CAB39: variants seen among roughly 807,000 people sequenced by gnomAD.
The protein encoded by CAB39 is calcium binding protein 39.
A neutral mutation model predicts 40.0 loss-of-function variants in CAB39; 8 were observed. That is an observed-to-expected ratio of 0.20 (90% CI 0.12 to 0.36). The LOEUF is 0.36. CAB39 is among the 10% of genes least tolerant of loss of function. The probability of loss-of-function intolerance (pLI) is 1.00; values close to 1 mark genes in which losing one functional copy is unlikely to be tolerated. For synonymous variants in CAB39, 156 were observed against 141.6 expected (o/e 1.10, Z -0.72); for missense variants, 270 against 401.1 (o/e 0.67, Z 2.79).
chr2:230,764,606 C>CT (rs1276817995), intron 2 of CAB39, among the ~76,000 whole-genome samples: 4 of 152,152 alleles, frequency 2.6e-5, no homozygotes, highest in Non-Finnish European at 5.9e-5. Flanking sequence ...TTAGAAGAGT[C>CT]TTAAGTATTG....
intron 1 of CAB39, among the ~76,000 whole-genome samples, chr2:230,737,235 A>G (rs974985802): frequency 1.3e-5 from 2 of 152,154 alleles, no homozygotes; most frequent in African/African-American, 2.4e-5. Flanking sequence ...TGAAGAGAAG[A>G]TAGACCCTCA....
intron 5 of CAB39, among the ~76,000 whole-genome samples, chr2:230,808,035 T>C (rs1424404897): frequency 6.6e-6 from 1 of 151,974 alleles, no homozygotes; most frequent in Admixed American, 6.5e-5. Flanking sequence ...CAGTGCCTGC[T>C]CTGTGCCAGG....
chr2:230,803,173 G>C (rs1019510430), intron 5 of CAB39, among the ~76,000 whole-genome samples: 12 of 152,210 alleles, frequency 7.9e-5, no homozygotes, highest in African/African-American at 2.4e-4. Context: ...TATCTCAATA[G>C]ATGCAGAAAA....
chr2:230,718,335 A>G (rs1694388773), intron 1 of CAB39, among the ~76,000 whole-genome samples: 1 of 152,224 alleles, frequency 6.6e-6, no homozygotes, highest in Non-Finnish European at 1.5e-5. Flanking sequence ...TTAACATGCT[A>G]GTCACTGTTG....
chr2:230,790,917 C>A lies in CAB39; in HGVS notation c.160C>A (p.Leu54Met). ...SKNLVAMKEI[L>M]YGTNEKEPQT... The stretch of plus-strand genomic sequence containing the variant: ...AAATCTGGTTGCCATGAAAGAAATT[C>A]TGTATGGCACAAATGAAAAAGAGCC... The change falls in exon 3 of 9, where the codon CTG becomes ATG. Residue 54 changes from leucine to methionine, a missense_variant. Physicochemically the swap from Leu to Met is conservative, Grantham distance 15 (BLOSUM62 2). Transcript: ENST00000258418. The A allele has an allele frequency of 6.2e-7, 1 of 1,612,236 alleles. No homozygotes were observed. Among genetic ancestry groups the A allele is most frequent in the Non-Finnish European group, 8.5e-7 (1 of 1,179,230 alleles).
intron 1 of CAB39, among the ~76,000 whole-genome samples, chr2:230,720,385 T>C (rs1694427232): frequency 6.6e-6 from 1 of 152,208 alleles, no homozygotes; most frequent in Non-Finnish European, 1.5e-5. Context: ...TCACCACCCA[T>C]TAGCATTCAT....
At chr2:230,762,805 T>C (rs1276882112) in intron 2 of CAB39, among the ~76,000 whole-genome samples, 2 of 152,238 alleles carry the variant, frequency 1.3e-5, no homozygotes, top group Non-Finnish European at 2.9e-5. Flanking sequence ...ACAAGGTCTC[T>C]GCTCTTTCGT....
Position 230,756,681 on chromosome 2 carries a change from A to G in CAB39, c.-43-3278A>G, listed in dbSNP as rs575392428. ...TGTTTGTTTATTTATTTATTTATTTATTTATTTATTTATTTATTTATTTAT... is the reference window on the plus strand; with the variant it reads ...TGTTTGTTTATTTATTTATTTATTTGTTTATTTATTTATTTATTTATTTAT... On this transcript the variant is annotated intron_variant, in intron 1 of 8. Coordinates refer to ENST00000258418, the MANE Select transcript of CAB39 (RefSeq NM_016289.4). 3.2e-4 allele frequency among the ~76,000 whole-genome samples: 49 copies of G among 151,340 alleles called. 1 individual carries two copies. In the South Asian group the frequency reaches 4.0e-3, roughly 12 times the overall value.
At chr2:230,805,395 A>G (rs753783632) in intron 5 of CAB39, among the ~76,000 whole-genome samples, 9 of 152,066 alleles carry the variant, frequency 5.9e-5, no homozygotes, top group African/African-American at 7.2e-5. Flanking sequence ...AACTTAAAGT[A>G]TAATTAAAAA....
chr2:230,778,119 C>T (rs1302195968), intron 2 of CAB39, among the ~76,000 whole-genome samples: 1 of 152,192 alleles, frequency 6.6e-6, no homozygotes, highest in African/African-American at 2.4e-5. Context: ...CATTTGTATA[C>T]TTCAGCATGT....
intron 1 of CAB39, among the ~76,000 whole-genome samples, chr2:230,733,341 T>G (rs1413924961): frequency 6.6e-6 from 1 of 152,160 alleles, no homozygotes; most frequent in Non-Finnish European, 1.5e-5. Context: ...GATGTAAGGC[T>G]GTCGTATCAG....
chr2:230,814,033 T>G lies in CAB39; in HGVS notation c.628-16T>G. On this transcript the variant is annotated splice_polypyrimidine_tract_variant and intron_variant, in intron 6 of 8. Transcript: ENST00000258418. ...TTTTTGGCAATAACCCTGATTTATG[T>G]TCTCTTATCTTTTAGTTTTTCAGTG... 1.2e-6 allele frequency: 1 copy of G among 840,334 alleles called. No homozygotes were observed. The allele number at this position is 840,334 out of a possible 1,614,324, so 52.1% of individuals were successfully genotyped here. A position where few individuals can be genotyped will look rare whatever the true frequency, so the allele number is the denominator to read the frequency against.
At chr2:230,728,670 C>T (rs756119883) in intron 1 of CAB39, among the ~76,000 whole-genome samples, 6 of 152,132 alleles carry the variant, frequency 3.9e-5, no homozygotes, top group Non-Finnish European at 8.8e-5. Context: ...AGTGCAGTGG[C>T]GCAATCATAG....
chr2:230,754,702 A>G (rs898419919), intron 1 of CAB39, among the ~76,000 whole-genome samples: 3 of 152,140 alleles, frequency 2.0e-5, no homozygotes, highest in African/African-American at 7.2e-5. Flanking sequence ...TATTTTTAGT[A>G]GAGACAGGGT....
At chr2:230,765,830 G>A (rs1000146274) in intron 2 of CAB39, among the ~76,000 whole-genome samples, 1 of 152,144 alleles carries the variant, frequency 6.6e-6, no homozygotes, top group African/African-American at 2.4e-5. Flanking sequence ...CCAAAAAAAT[G>A]TTAACAATGC....
chr2:230,818,434 C>T, intron 8 of CAB39, 82 bp from the exon 9 acceptor site: 1 of 1,156,936 alleles, frequency 8.6e-7, no homozygotes, highest in East Asian at 2.4e-5. Context: ...CACAGCTCTG[C>T]TTTTCTGCAC....
At chr2:230,763,585 C>T (rs1163113755) in intron 2 of CAB39, among the ~76,000 whole-genome samples, 2 of 150,856 alleles carry the variant, frequency 1.3e-5, no homozygotes, top group East Asian at 3.9e-4. Context: ...AAGCGAGATT[C>T]TGTCTCAAAA....
chr2:230,748,257 C>T (rs915241520), intron 1 of CAB39, among the ~76,000 whole-genome samples: 4 of 151,990 alleles, frequency 2.6e-5, no homozygotes, highest in Admixed American at 2.6e-4. Context: ...GTAGACCAAC[C>T]GCTAGATCTA....
At chr2:230,713,284 G>C (rs951130062) in intron 1 of CAB39, 54 bp downstream of exon 1, 1 of 152,220 alleles carries the variant, frequency 6.6e-6, no homozygotes, top group Non-Finnish European at 1.5e-5. Flanking sequence ...CCCGGCTTCC[G>C]CCTGCCCCGC....
Sources: gnomAD v4.1 joint callset for allele counts (sites outside exome capture counted in the v4.1 genomes callset) on GRCh38, gnomAD v4.1.1 for gene constraint, MANE v1.5 for transcripts, NCBI Gene and HGNC (gene_info 2026-07-23, HGNC 2026-07-21) for gene names.